Variants in SLC4A4 observed in about 807,000 individuals in gnomAD.
The protein encoded by SLC4A4 is solute carrier family 4 member 4.
Under a neutral mutation model 111.5 loss-of-function variants are expected in SLC4A4, and 27 were observed. That is an observed-to-expected ratio of 0.24 (90% confidence interval 0.18 to 0.33). SLC4A4 has a LOEUF of 0.33. Among genes scored for constraint, SLC4A4 ranks in the 10% least tolerant of loss-of-function variants. SLC4A4 has a pLI of 1.00. For synonymous variants in SLC4A4, 443 were observed against 463.4 expected (o/e 0.96, Z 0.57); for missense variants, 909 against 1,315.5 (o/e 0.69, Z 4.78).
At chr4:71,302,227 T>G (rs1443112435) in intron 3 of SLC4A4, among the ~76,000 whole-genome samples, 1 of 152,152 alleles carries the variant, frequency 6.6e-6, no homozygotes, top group Admixed American at 6.5e-5. Context: ...AAAGTATGTT[T>G]AAGTGGTAGA....
chr4:71,450,152 G>GA lies in SLC4A4; in HGVS notation c.1054-229dup, dbSNP rs1212200613. Among the ~76,000 whole-genome samples, 10 of 151,902 alleles carry GA rather than the reference G, an allele frequency of 6.6e-5. No individual in the cohort carries two copies. In the East Asian group the frequency reaches 7.7e-4, roughly 12 times the overall value. Reference sequence around the variant, plus strand: ...CAATGTTGTTTTATATTATTGGTAGGAAAAAAAACCACATAAAAACATAGC... The same window carrying GA: ...CAATGTTGTTTTATATTATTGGTAGGAAAAAAAAACCACATAAAAACATAGC... On this transcript the variant is annotated intron_variant, in intron 9 of 25. Coordinates refer to ENST00000264485, the MANE Select transcript of SLC4A4 (RefSeq NM_001098484.3).
intron 13 of SLC4A4, among the ~76,000 whole-genome samples, chr4:71,469,569 T>G (rs973995021): frequency 7.2e-5 from 11 of 151,988 alleles, no homozygotes; most frequent in Non-Finnish European, 1.3e-4. Flanking sequence ...CATAATTTCT[T>G]CTTTGATCTC....
chr4:71,164,118 C>T (rs185520588), intron 2 of SLC4A4, among the ~76,000 whole-genome samples: 4 of 151,866 alleles, frequency 2.6e-5, no homozygotes, highest in East Asian at 1.9e-4. Flanking sequence ...TGGTGGCTCA[C>T]ACCTATAATC....
At chr4:71,421,222 A>G (rs1722450392) in intron 7 of SLC4A4, among the ~76,000 whole-genome samples, 1 of 152,154 alleles carries the variant, frequency 6.6e-6, no homozygotes, top group Non-Finnish European at 1.5e-5. Flanking sequence ...ACCAACAAAG[A>G]TCAAAAGAGA....
intron 1 of SLC4A4, among the ~76,000 whole-genome samples, chr4:71,084,018 C>G (rs183185288): frequency 6.6e-6 from 1 of 151,812 alleles, no homozygotes; most frequent in African/African-American, 2.4e-5. Context: ...CTCTCTCTCT[C>G]TCTGTCTCTG....
At chr4:71,091,839 A>G (rs1475912189) in intron 1 of SLC4A4, among the ~76,000 whole-genome samples, 1 of 152,194 alleles carries the variant, frequency 6.6e-6, no homozygotes, top group Non-Finnish European at 1.5e-5. Flanking sequence ...CAAATATAAC[A>G]GTATCTGTAA....
At chr4:71,300,514 C>T in intron 3 of SLC4A4, 1 of 248,694 alleles carries the variant, frequency 4.0e-6, no homozygotes, top group Non-Finnish European at 8.3e-6. Context: ...GAGGCCTGGG[C>T]CGGGGCCACT....
Position 71,466,482 on chromosome 4 carries a change from A to G in SLC4A4, c.1536A>G (p.Gly512=). 1 of 1,613,654 alleles carries G rather than the reference A, an allele frequency of 6.2e-7. No homozygotes were observed. Among genetic ancestry groups the G allele is most frequent in the South Asian group, 1.1e-5 (1 of 91,080 alleles). ...GTTTCCTGGGCACTGCTGTCTCTGGAGCCATCTTTTGCCTTTTTGCTGGTC... is the reference window on the plus strand; with the variant it reads ...GTTTCCTGGGCACTGCTGTCTCTGGGGCCATCTTTTGCCTTTTTGCTGGTC... The part of the protein sequence containing the change: ...LESFLGTAVS[G]AIFCLFAGQP... Residue 512 remains glycine, a synonymous_variant, in exon 13 of 26, where the codon GGA becomes GGG. Coordinates refer to ENST00000264485, the MANE Select transcript of SLC4A4 (RefSeq NM_001098484.3).
chr4:71,406,808 T>C (rs1032083408), intron 7 of SLC4A4, among the ~76,000 whole-genome samples: 1 of 151,846 alleles, frequency 6.6e-6, no homozygotes, highest in African/African-American at 2.4e-5. Flanking sequence ...GCATAGGGAG[T>C]GATTGTAAGC....
At chr4:71,487,434 A>AT (rs1311772019) in intron 15 of SLC4A4, among the ~76,000 whole-genome samples, 1 of 151,616 alleles carries the variant, frequency 6.6e-6, no homozygotes, top group Admixed American at 6.6e-5. Context: ...ACTAAGAGTG[A>AT]TTGTAGCAGG....
At chr4:71,082,937 T>C (rs1306936891) in intron 1 of SLC4A4, among the ~76,000 whole-genome samples, 2 of 151,430 alleles carry the variant, frequency 1.3e-5, no homozygotes, top group South Asian at 2.1e-4. Flanking sequence ...CACTGTAACC[T>C]CCGCCTCCCA....
intron 2 of SLC4A4, among the ~76,000 whole-genome samples, chr4:71,146,992 C>T (rs545371515): frequency 4.8e-4 from 73 of 152,118 alleles, no homozygotes; most frequent in African/African-American, 1.7e-3. Context: ...TTCAGGAAAC[C>T]CATCTCACAT....
intron 23 of SLC4A4, among the ~76,000 whole-genome samples, chr4:71,562,595 A>G (rs1319946997): frequency 1.4e-5 from 2 of 145,302 alleles, no homozygotes; most frequent in Non-Finnish European, 3.0e-5. Context: ...TTTTCTTTCC[A>G]TTTGCTTGGT....
At chr4:71,188,313 G>A (rs1745583854) in intron 1 of SLC4A4, among the ~76,000 whole-genome samples, 2 of 152,092 alleles carry the variant, frequency 1.3e-5, no homozygotes, top group African/African-American at 4.8e-5. Context: ...CTGTAAAACT[G>A]TTTTTTTCTA....
chr4:71,077,953 A>G lies in SLC4A4; in HGVS notation c.-64-14777A>G, dbSNP rs1286515803. Among the ~76,000 whole-genome samples the G allele has an allele frequency of 4.6e-5, 7 of 152,212 alleles. No individual in the cohort carries two copies. In the South Asian group the frequency reaches 1.0e-3, roughly 23 times the overall value. Reference sequence around the variant, plus strand: ...ATTTTTTAGAAAAATCAATGAAAACATATTTATTTAATCAAGTGTGAGTCT... The same window carrying G: ...ATTTTTTAGAAAAATCAATGAAAACGTATTTATTTAATCAAGTGTGAGTCT... On this transcript the variant is annotated intron_variant, in intron 1 of 26. Transcript: ENST00000649996.
chr4:71,401,293 C>T (rs905479485), intron 7 of SLC4A4, among the ~76,000 whole-genome samples: 9 of 152,122 alleles, frequency 5.9e-5, no homozygotes, highest in Admixed American at 3.3e-4. Context: ...ATTTCAGTAG[C>T]GGCTGCTTTA....
intron 13 of SLC4A4, among the ~76,000 whole-genome samples, chr4:71,469,154 A>G (rs1727644185): frequency 6.6e-6 from 1 of 152,000 alleles, no homozygotes; most frequent in Non-Finnish European, 1.5e-5. Flanking sequence ...TACACATTTT[A>G]TCACAATAAT....
chr4:71,466,976 A>ATT (rs1727420184), intron 13 of SLC4A4, among the ~76,000 whole-genome samples: 1 of 142,230 alleles, frequency 7.0e-6, no homozygotes, highest in Non-Finnish European at 1.5e-5. Flanking sequence ...GGAGAGAGAG[A>ATT]GAGGTCTGAG....
At position 71,237,062 on chromosome 4, in the gene SLC4A4, G is replaced by A. The variant is rs1719864226; in HGVS notation, c.73+413G>A. ...GTGTAAAGATATAGATACTACAGAA[G>A]GATAATGATACCATTGTTGCAGGAG... is the stretch of plus-strand genomic sequence containing the variant. On this transcript the variant is annotated intron_variant, in intron 2 of 25. Transcript: ENST00000264485. Among the ~76,000 whole-genome samples the A allele has an allele frequency of 5.3e-5, 8 of 152,318 alleles. 1 individual carries two copies. In the South Asian group the frequency reaches 1.7e-3, roughly 32 times the overall value.
Sources: allele counts gnomAD v4.1 joint callset (sites outside exome capture counted in the v4.1 genomes callset), GRCh38; gene constraint gnomAD v4.1.1; transcripts MANE v1.5; gene names NCBI Gene and HGNC (gene_info 2026-07-23, HGNC 2026-07-21).